HACE1: variants seen among roughly 807,000 people sequenced by gnomAD.
HACE1 encodes E3 ubiquitin-protein ligase HACE1.
A neutral mutation model predicts 118.4 loss-of-function variants in HACE1; 73 were observed. The observed-to-expected ratio is 0.62, with a 90% CI of 0.51 to 0.75. The LOEUF (loss-of-function observed/expected upper bound fraction) is 0.75, where lower values mean the gene tolerates loss of function less well. Among genes scored for constraint, HACE1 ranks in the 30% least tolerant of loss-of-function variants. The probability of loss-of-function intolerance (pLI) is 0.00; values close to 1 mark genes in which losing one functional copy is unlikely to be tolerated. For missense variants in HACE1, 749 were observed against 1,102.2 expected (o/e 0.68, Z 4.54); for synonymous variants, 368 against 374.8 (o/e 0.98, Z 0.21).
intron 1 of HACE1, among the ~76,000 whole-genome samples, chr6:104,854,028 A>G (rs1776487719): frequency 6.6e-6 from 1 of 152,178 alleles, no homozygotes; most frequent in African/African-American, 2.4e-5. Flanking sequence ...CTCTCAAAAT[A>G]TTGTGCTGTG....
At chr6:104,858,189 T>C (rs1265652739) in intron 1 of HACE1, among the ~76,000 whole-genome samples, 1 of 152,206 alleles carries the variant, frequency 6.6e-6, no homozygotes, top group East Asian at 1.9e-4. Context: ...ATCACATTTA[T>C]GTAAAAAATA....
chr6:104,746,464 T>G (rs772070353), intron 20 of HACE1, among the ~76,000 whole-genome samples: 1 of 152,204 alleles, frequency 6.6e-6, no homozygotes, highest in East Asian at 1.9e-4. Context: ...CTGGGAAACA[T>G]AGGCAGTTAG....
chr6:104,821,700 G>A (rs926084378), intron 6 of HACE1, among the ~76,000 whole-genome samples: 9 of 152,282 alleles, frequency 5.9e-5, no homozygotes, highest in East Asian at 1.9e-4. Context: ...CATTGAAGCA[G>A]GGATTAAAAC....
In HACE1 at chr6:104,771,912, A is replaced by G. The variant is rs1213869490; in HGVS notation, c.2014+13T>C. 1.3e-6 allele frequency: 2 copies of G among 1,555,522 alleles called. No individual in the cohort carries two copies. Among genetic ancestry groups the G allele is most frequent in the South Asian group, 1.1e-5 (1 of 89,750 alleles). Reference sequence around the variant, plus strand: ...ATAAATAAATGTCTGCAGAAATAATAATAGAGCCATACCAAGAATGTGCTT... The same window carrying G: ...ATAAATAAATGTCTGCAGAAATAATGATAGAGCCATACCAAGAATGTGCTT... On this transcript the variant is annotated intron_variant, in intron 18 of 23. Coordinates refer to ENST00000262903, the MANE Select transcript of HACE1 (RefSeq NM_020771.4).
intron 19 of HACE1, among the ~76,000 whole-genome samples, chr6:104,753,372 G>A (rs11156417): frequency 0.11 from 16,841 of 152,172 alleles, 969 homozygotes; most frequent in East Asian, 0.16. Flanking sequence ...CACAGCACAT[G>A]TGCTCTACCA....
chr6:104,762,350 C>A (rs540783017), intron 19 of HACE1, among the ~76,000 whole-genome samples: 12 of 152,258 alleles, frequency 7.9e-5, no homozygotes, highest in Non-Finnish European at 1.5e-4. Flanking sequence ...ACATATACAC[C>A]ATGAAATACT....
intron 22 of HACE1, among the ~76,000 whole-genome samples, chr6:104,743,123 G>A (rs1033011430): frequency 2.1e-5 from 3 of 145,306 alleles, no homozygotes; most frequent in African/African-American, 7.6e-5. Flanking sequence ...GAGATCACAT[G>A]GACACAGGAA....
intron 5 of HACE1, 94 bp downstream of exon 5, chr6:104,843,129 G>T: frequency 2.6e-6 from 2 of 776,286 alleles, no homozygotes. Context: ...GTAACTTGCA[G>T]AAACACTTGT....
chr6:104,784,990 A>C lies in HACE1; in HGVS notation c.1404T>G (p.Pro468=), dbSNP rs1333652078. The part of the protein sequence containing the change: ...AFYMCCSCQM[P]PGMTSPRFIE... ...ATAAGCCAAAACTTTCTTACCCCGG[A>C]GGCATCTGACAAGAACAGCACATGT... is the stretch of plus-strand genomic sequence containing the variant. Residue 468 remains proline, a synonymous_variant, in exon 12 of 24, where the codon CCT becomes CCG. Transcript: ENST00000262903. The C allele has an allele frequency of 1.9e-6, 3 of 1,607,716 alleles. No homozygotes were observed. Among genetic ancestry groups the C allele is most frequent in the Non-Finnish European group, 2.6e-6 (3 of 1,174,998 alleles).
intron 22 of HACE1, among the ~76,000 whole-genome samples, chr6:104,743,098 T>C (rs565159340): frequency 6.3e-4 from 90 of 141,742 alleles, no homozygotes; most frequent in African/African-American, 2.0e-3. Flanking sequence ...CATTCATAGG[T>C]GGGAATTGAA....
intron 6 of HACE1, among the ~76,000 whole-genome samples, chr6:104,822,631 C>T (rs903258629): frequency 2.6e-5 from 4 of 151,784 alleles, no homozygotes; most frequent in East Asian, 1.9e-4. Flanking sequence ...CCGAGGCAGT[C>T]GGATCACTAG....
Position 104,771,368 on chromosome 6 carries a change from T to C in HACE1, c.2036A>G (p.Asp679Gly). The C allele has an allele frequency of 6.2e-7, 1 of 1,611,686 alleles. No individual in the cohort carries two copies. Among genetic ancestry groups the C allele is most frequent in the Non-Finnish European group, 8.5e-7 (1 of 1,177,912 alleles). The change falls in exon 19 of 24, where the codon GAT becomes GGT. Residue 679 changes from aspartate to glycine, a missense_variant. Around this residue, in one of 5 missense-constraint regions of HACE1, gnomAD observed 195 missense variants for 322.1 expected, o/e 0.61. Coordinates refer to ENST00000262903, the MANE Select transcript of HACE1 (RefSeq NM_020771.4). ...HILGIPVNYQ[D>G]VASIDPEYAK... ...ATATTCTGGATCAATGGATGCCACA[T>C]CTTGGTAATTTACAGGAATACCTAA... is the stretch of plus-strand genomic sequence containing the variant.
intron 1 of HACE1, among the ~76,000 whole-genome samples, chr6:104,857,539 T>C (rs1388065056): frequency 1.3e-5 from 2 of 152,030 alleles, no homozygotes; most frequent in East Asian, 1.9e-4. Flanking sequence ...AGGCAGACTA[T>C]GTCTTAAATA....
At chr6:104,849,345 CTT>C (rs1775956086) in intron 3 of HACE1, 99 bp from the exon 4 acceptor site, 5 of 821,844 alleles carry the variant, frequency 6.1e-6, no homozygotes. Flanking sequence ...ACACAATTTT[CTT>C]TTTGTTTTTC....
intron 7 of HACE1, among the ~76,000 whole-genome samples, chr6:104,806,659 C>T (rs1386540589): frequency 1.3e-5 from 2 of 152,066 alleles, no homozygotes; most frequent in African/African-American, 4.8e-5. Flanking sequence ...AAAAAAATTA[C>T]TCAACAAATA....
intron 19 of HACE1, among the ~76,000 whole-genome samples, chr6:104,751,941 C>CA (rs1309097812): frequency 2.3e-5 from 2 of 87,378 alleles, no homozygotes; most frequent in East Asian, 3.0e-4. Context: ...AACAAACAAA[C>CA]AAAAAAAACC....
intron 5 of HACE1, among the ~76,000 whole-genome samples, chr6:104,840,503 G>T (rs542291515): frequency 1.1e-4 from 16 of 152,236 alleles, no homozygotes; most frequent in African/African-American, 3.9e-4. Flanking sequence ...ATGCTATTTA[G>T]ATATAGAGAC....
intron 6 of HACE1, among the ~76,000 whole-genome samples, chr6:104,820,375 G>GA (rs1352616333): frequency 1.3e-5 from 2 of 151,868 alleles, no homozygotes; most frequent in Admixed American, 6.6e-5. Flanking sequence ...TCTGCATAGC[G>GA]AAAAAAACTA....
chr6:104,786,461 G>C (rs889517750), intron 11 of HACE1: 4 of 150,614 alleles, frequency 2.7e-5, no homozygotes, highest in African/African-American at 9.8e-5. Flanking sequence ...TATTCTAGCT[G>C]GGTACACAGG....
Sources: gnomAD v4.1 joint callset for allele counts (sites outside exome capture counted in the v4.1 genomes callset) on GRCh38, gnomAD v4.1.1 for gene constraint, gnomAD v4.1.1 regional missense constraint, MANE v1.5 for transcripts, NCBI Gene and HGNC (gene_info 2026-07-23, HGNC 2026-07-21) for gene names.